Variants in SCNN1B observed in about 807,000 individuals in gnomAD.
SCNN1B encodes the protein epithelial sodium channel subunit beta.
A neutral mutation model predicts 65.3 loss-of-function variants in SCNN1B; 46 were observed. That is an observed-to-expected ratio of 0.70 (90% CI 0.56 to 0.90). The LOEUF (loss-of-function observed/expected upper bound fraction) is 0.90, where lower values mean the gene tolerates loss of function less well. Among genes scored for constraint, SCNN1B ranks in the 40% least tolerant of loss-of-function variants. SCNN1B has a pLI of 0.00. For missense variants in SCNN1B, 751 were observed against 830.5 expected, an observed-to-expected ratio of 0.90 and a Z score of 1.18; for synonymous variants, 349 against 330.6, an observed-to-expected ratio of 1.06 and a Z score of -0.60.
chr16:23,377,736 ACTTCTGT>A (rs1962942239), intron 10 of SCNN1B, among the ~76,000 whole-genome samples: 1 of 64,314 alleles, frequency 1.6e-5, no homozygotes, highest in Non-Finnish European at 3.2e-5. Context: ...CTCCCTCCCC[ACTTCTGT>A]TTCCTTCTTT....
In SCNN1B at chr16:23,380,868, A is replaced by G. The variant is rs72654358; in HGVS notation, c.*67A>G. On this transcript the variant is annotated 3_prime_UTR_variant, in exon 13 of 13. Coordinates refer to ENST00000343070, the MANE Select transcript of SCNN1B (RefSeq NM_000336.3). This position sits in a 1 kb window ranked among gnomAD's most constrained non-coding sequence, Gnocchi z 5.4. ...AGCCAAGACTGTTGCCCGAGGCCTC[A>G]CTGTATGGTGCCCTCTCCAAAGGGT... 293 of 1,554,406 alleles carry G rather than the reference A, an allele frequency of 1.9e-4. No homozygotes were observed. The African/African-American group carries it at 3.7e-3, about 20-fold the overall frequency.
chr16:23,346,393 T>G (rs1049460997), intron 1 of SCNN1B, among the ~76,000 whole-genome samples: 21 of 151,418 alleles, frequency 1.4e-4, no homozygotes, highest in Non-Finnish European at 2.4e-4. Flanking sequence ...AGCTAATTTT[T>G]GTATTTTTAG....
At chr16:23,379,994 G>A (rs1963004880) in intron 11 of SCNN1B, 100 bp from the exon 12 acceptor site, 2 of 887,236 alleles carry the variant, frequency 2.3e-6, no homozygotes, top group Non-Finnish European at 3.8e-6. Flanking sequence ...GTGGGTGTGT[G>A]CACGTGCATG....
At position 23,378,778 on chromosome 16, in the gene SCNN1B, G is replaced by A. The variant is rs747769341; in HGVS notation, c.1466+11G>A. Reference sequence around the variant, plus strand: ...TATCACCCTGAGCAGGTGAGCCTGAGCCTGGGCGGGGCTGGGGAAGACAGG... The same window carrying A: ...TATCACCCTGAGCAGGTGAGCCTGAACCTGGGCGGGGCTGGGGAAGACAGG... On this transcript the variant is annotated intron_variant, in intron 11 of 12. Coordinates refer to ENST00000343070, the MANE Select transcript of SCNN1B (RefSeq NM_000336.3). The A allele has an allele frequency of 6.2e-7, 1 of 1,613,882 alleles. No homozygotes were observed. The highest frequency in any genetic ancestry group is 1.1e-5 in the South Asian group (1 of 91,084).
At chr16:23,301,170 C>G (rs1183906976), upstream of SCNN1B, among the ~76,000 whole-genome samples, 2 of 151,834 alleles carry the variant, frequency 1.3e-5, no homozygotes, top group African/African-American at 2.4e-5. Flanking sequence ...TCCAGACCAG[C>G]CTGGCCAATA....
intron 4 of SCNN1B, chr16:23,358,453 TG>T (rs1962464168): frequency 6.6e-6 from 1 of 152,218 alleles, no homozygotes; most frequent in Non-Finnish European, 1.5e-5. Flanking sequence ...TTAGCCTTGC[TG>T]TGCCTCAGTT....
intron 1 of SCNN1B, among the ~76,000 whole-genome samples, chr16:23,343,387 G>C (rs1962093225): frequency 6.6e-6 from 1 of 151,734 alleles, no homozygotes; most frequent in East Asian, 1.9e-4. Context: ...GGGAGGTGGA[G>C]GTTGCAGTGA....
At chr16:23,333,143 A>G (rs1043371885) in intron 1 of SCNN1B, among the ~76,000 whole-genome samples, 155 of 111,710 alleles carry the variant, frequency 1.4e-3, no homozygotes, top group Middle Eastern at 4.7e-3. Context: ...GGGAGGAAGG[A>G]AGGAAAGAAG....
At chr16:23,314,644 T>G (rs1326510237) in intron 1 of SCNN1B, among the ~76,000 whole-genome samples, 1 of 152,170 alleles carries the variant, frequency 6.6e-6, no homozygotes, top group Non-Finnish European at 1.5e-5. Context: ...CTCTGTGACA[T>G]GGCTCTCGAA....
At chr16:23,300,277 A>G (rs1961055198), upstream of SCNN1B, among the ~76,000 whole-genome samples, 2 of 152,250 alleles carry the variant, frequency 1.3e-5, no homozygotes, top group African/African-American at 2.4e-5. Flanking sequence ...CCACCATGGC[A>G]CGTGTATACC....
intron 3 of SCNN1B, 163 bp downstream of exon 3, chr16:23,353,237 G>T: frequency 2.4e-6 from 2 of 837,360 alleles, no homozygotes; most frequent in Non-Finnish European, 3.7e-6. Context: ...GAAATTTTTG[G>T]CATGTTAGTC....
intron 10 of SCNN1B, among the ~76,000 whole-genome samples, chr16:23,377,847 G>C (rs1962947282): frequency 6.7e-6 from 1 of 149,910 alleles, no homozygotes; most frequent in Non-Finnish European, 1.5e-5. Context: ...ACTGTGCTGT[G>C]TACACAGCAC....
chr16:23,324,557 A>G (rs1045306683), intron 1 of SCNN1B, among the ~76,000 whole-genome samples: 1 of 152,122 alleles, frequency 6.6e-6, no homozygotes, highest in African/African-American at 2.4e-5. Context: ...ACAGAGAAAA[A>G]GAAACTATAG....
intron 1 of SCNN1B, among the ~76,000 whole-genome samples, chr16:23,305,020 G>C (rs189175399): frequency 1.3e-5 from 2 of 152,224 alleles, no homozygotes; most frequent in African/African-American, 4.8e-5. Context: ...GTGATGCCTA[G>C]AGCCACTGTT....
Position 23,345,337 on chromosome 16 carries a change from T to C in SCNN1B, c.-8-3255T>C, listed in dbSNP as rs115440244. On this transcript the variant is annotated intron_variant, in intron 1 of 12. Transcript: ENST00000343070. ...TAAAACAAGGGTCAATTTATTTTACTATTAAGCTTCTTATGGGTGCAAATG... is the reference window on the plus strand; with the variant it reads ...TAAAACAAGGGTCAATTTATTTTACCATTAAGCTTCTTATGGGTGCAAATG... Among the ~76,000 whole-genome samples, 1,397 of 152,332 alleles carry C rather than the reference T, an allele frequency of 9.2e-3. 31 individuals carry two copies. Among genetic ancestry groups the C allele is most frequent in the African/African-American group, 0.032 (1,317 of 41,584 alleles).
intron 7 of SCNN1B, among the ~76,000 whole-genome samples, chr16:23,374,826 A>G (rs550134839): frequency 4.6e-5 from 7 of 151,456 alleles, no homozygotes; most frequent in African/African-American, 1.5e-4. Flanking sequence ...GGTAGGGAGG[A>G]GCTGGCCAGG....
In SCNN1B at chr16:23,361,206, G is replaced by A. The variant is rs542776473; in HGVS notation, c.776+5717G>A. Reference sequence around the variant, plus strand: ...AGCCTCCCAAAGTGCTGGGATTACAGGCATGAGCCACTGCGCCTGGCCTAG... The same window carrying A: ...AGCCTCCCAAAGTGCTGGGATTACAAGCATGAGCCACTGCGCCTGGCCTAG... On this transcript the variant is annotated intron_variant, in intron 4 of 12. Coordinates refer to ENST00000343070, the MANE Select transcript of SCNN1B (RefSeq NM_000336.3). Among the ~76,000 whole-genome samples, 108 of 152,326 alleles carry A rather than the reference G, an allele frequency of 7.1e-4. 1 individual carries two copies. Among genetic ancestry groups the A allele is most frequent in the African/African-American group, 2.5e-3 (104 of 41,576 alleles).
intron 2 of SCNN1B, among the ~76,000 whole-genome samples, chr16:23,287,955 G>A (rs1355974625): frequency 5.5e-5 from 8 of 146,450 alleles, no homozygotes; most frequent in African/African-American, 2.1e-4. Flanking sequence ...AGGAGTTCAG[G>A]ACTATCCTGG....
chr16:23,372,281 T>C (rs1962801357), intron 7 of SCNN1B: 1 of 309,522 alleles, frequency 3.2e-6, no homozygotes, highest in Admixed American at 4.2e-5. Context: ...ATCTACAATA[T>C]AGTAATGACA....
Sources: gnomAD v4.1 joint callset for allele counts (sites outside exome capture counted in the v4.1 genomes callset) on GRCh38, gnomAD v4.1.1 for gene constraint, Gnocchi (gnomAD v3.1) non-coding constraint, MANE v1.5 for transcripts, NCBI Gene and HGNC (gene_info 2026-07-23, HGNC 2026-07-21) for gene names.